The following GALNS variants were observed in gnomAD, a reference collection of about 807,000 sequenced individuals.
GALNS encodes the protein galactosamine (N-acetyl)-6-sulfatase.
In GALNS, 65 loss-of-function variants were observed where a neutral mutation model predicts 65.9. The observed-to-expected ratio is 0.99, with a 90% CI of 0.81 to 1.21. The LOEUF (loss-of-function observed/expected upper bound fraction) is 1.21, where lower values mean the gene tolerates loss of function less well. Ranked by LOEUF, GALNS falls within the 50% of genes most tolerant of loss-of-function variation. The pLI is 0.00. For missense variants in GALNS, 776 were observed against 700.7 expected (o/e 1.11, Z -1.21); for synonymous variants, 346 against 288.9 (o/e 1.20, Z -2.00).
intron 12 of GALNS, among the ~76,000 whole-genome samples, chr16:88,821,169 T>C (rs1450420912): frequency 7.7e-6 from 1 of 130,654 alleles, no homozygotes; most frequent in African/African-American, 2.9e-5. Context: ...TGCCCCTCAC[T>C]TTTCCAGAGG....
At chr16:88,834,240 T>G (rs964379178) in intron 8 of GALNS, among the ~76,000 whole-genome samples, 3 of 152,208 alleles carry the variant, frequency 2.0e-5, no homozygotes, top group African/African-American at 7.2e-5. Context: ...TTCTATCACT[T>G]GAAACTCTGA....
At position 88,817,979 on chromosome 16, in the gene GALNS, G is replaced by C. The variant is rs1202534831; in HGVS notation, c.1482+28C>G. ...TGGGTGGCTGCAGCCCCGGCAAAGA[G>C]ACGGCCGCCCACACACCAGCCACTT... On this transcript the variant is annotated intron_variant, in intron 13 of 13. Coordinates refer to ENST00000268695, the MANE Select transcript of GALNS (RefSeq NM_000512.5). 8 of 1,538,096 alleles carry C rather than the reference G, an allele frequency of 5.2e-6. No homozygotes were observed. The South Asian group carries it at 9.4e-5, about 18-fold the overall frequency.
In GALNS at chr16:88,855,160, C is replaced by T. The variant is rs932214734; in HGVS notation, c.120+1598G>A. Reference sequence around the variant, plus strand: ...TAACTTTATATTTTATTTAACCCAACATAACCAAAATATTATTTCGACAAG... The same window carrying T: ...TAACTTTATATTTTATTTAACCCAATATAACCAAAATATTATTTCGACAAG... On this transcript the variant is annotated intron_variant, in intron 1 of 13. Transcript: ENST00000268695. The T allele has an allele frequency of 6.3e-6, 4 of 636,052 alleles. No individual in the cohort carries two copies. The Admixed American group carries it at 6.6e-5, about 10-fold the overall frequency. 39.4% of individuals were successfully genotyped at this position (636,052 alleles called of 1,614,324 possible). A position where few individuals can be genotyped will look rare whatever the true frequency, so the allele number is the denominator to read the frequency against.
intron 1 of GALNS, among the ~76,000 whole-genome samples, chr16:88,849,280 A>T (rs1967398921): frequency 6.6e-6 from 1 of 151,642 alleles, no homozygotes; most frequent in Admixed American, 6.6e-5. Flanking sequence ...ATGCCCAGTT[A>T]ATTATTATTA....
chr16:88,832,661 A>G (rs574131296), intron 8 of GALNS, among the ~76,000 whole-genome samples: 6 of 152,308 alleles, frequency 3.9e-5, no homozygotes, highest in African/African-American at 1.4e-4. Flanking sequence ...CAGACATGGA[A>G]GAAGGGGGTG....
chr16:88,824,883 G>A lies in GALNS; in HGVS notation c.1140-14C>T, dbSNP rs201778825. 3.9e-5 allele frequency: 63 copies of A among 1,610,154 alleles called. No individual in the cohort carries two copies. The East Asian group carries it at 1.4e-3, about 35-fold the overall frequency. ...TAGAAGATAGGCCTGTGGGATGGGAGGGGAGGACCATGTAATGACAGGAAG... is the reference window on the plus strand; with the variant it reads ...TAGAAGATAGGCCTGTGGGATGGGAAGGGAGGACCATGTAATGACAGGAAG... On this transcript the variant is annotated splice_polypyrimidine_tract_variant and intron_variant, in intron 10 of 13. Coordinates refer to ENST00000268695, the MANE Select transcript of GALNS (RefSeq NM_000512.5).
At chr16:88,854,300 G>A (rs892844869) in intron 1 of GALNS, among the ~76,000 whole-genome samples, 1 of 152,218 alleles carries the variant, frequency 6.6e-6, no homozygotes, top group African/African-American at 2.4e-5. Context: ...GTGTGGACAG[G>A]GCTGCGGAGG....
At chr16:88,833,838 G>A (rs1333741544) in intron 8 of GALNS, among the ~76,000 whole-genome samples, 1 of 152,192 alleles carries the variant, frequency 6.6e-6, no homozygotes, top group Non-Finnish European at 1.5e-5. Context: ...TTACAAATAG[G>A]TACATATACC....
intron 5 of GALNS, 111 bp from the exon 6 acceptor site, chr16:88,836,378 G>T: frequency 2.3e-6 from 2 of 871,782 alleles, no homozygotes; most frequent in Non-Finnish European, 3.7e-6. Flanking sequence ...GGCTAGGGCT[G>T]GGCGTCATGG....
chr16:88,827,421 C>G (rs966282319), intron 9 of GALNS, among the ~76,000 whole-genome samples: 15 of 152,204 alleles, frequency 9.9e-5, no homozygotes, highest in African/African-American at 3.6e-4. Flanking sequence ...TCTGGCTTCC[C>G]TCAGTGGCCC....
chr16:88,849,393 G>A (rs1415941743), intron 1 of GALNS, among the ~76,000 whole-genome samples: 4 of 151,764 alleles, frequency 2.6e-5, no homozygotes, highest in Non-Finnish European at 5.9e-5. Flanking sequence ...CAAGCAATTC[G>A]CCTGCCTCAG....
chr16:88,852,837 C>G (rs769522850), intron 1 of GALNS, among the ~76,000 whole-genome samples: 8 of 152,186 alleles, frequency 5.3e-5, no homozygotes, highest in Non-Finnish European at 8.8e-5. Flanking sequence ...CGGCTATAAT[C>G]CCAGCTACTC....
Position 88,814,247 on chromosome 16 carries a change from CGAG to C in GALNS, c.*189_*191del, listed in dbSNP as rs2142965743. 4.0e-6 allele frequency: 3 copies of C among 742,286 alleles called. No homozygotes were observed. The highest frequency in any genetic ancestry group is 6.8e-6 in the Non-Finnish European group (3 of 442,076). 46.0% of individuals were successfully genotyped at this position (742,286 alleles called of 1,614,324 possible). ...GTCCTGAAATCTGAGGCGCCGTGGGCGAGGAGGAGGGCCAAGCACACGCCAGGG... is the reference window on the plus strand; with the variant it reads ...GTCCTGAAATCTGAGGCGCCGTGGGCGAGGAGGGCCAAGCACACGCCAGGG... On this transcript the variant is annotated 3_prime_UTR_variant, in exon 14 of 14. Coordinates refer to ENST00000268695, the MANE Select transcript of GALNS (RefSeq NM_000512.5).
chr16:88,839,850 C>G (rs1044834874), intron 4 of GALNS, among the ~76,000 whole-genome samples: 1 of 152,254 alleles, frequency 6.6e-6, no homozygotes, highest in Non-Finnish European at 1.5e-5. Flanking sequence ...CACCAATGAC[C>G]ATGCATAGGA....
At chr16:88,817,212 A>G in intron 13 of GALNS, 1 of 984,614 alleles carries the variant, frequency 1.0e-6, no homozygotes, top group Non-Finnish European at 1.2e-6. Flanking sequence ...GCTGCTCCTG[A>G]GAGGCCCTGA....
At chr16:88,845,079 G>A (rs1967181599) in intron 1 of GALNS, 1 of 152,260 alleles carries the variant, frequency 6.6e-6, no homozygotes, top group Non-Finnish European at 1.5e-5. Context: ...CGGGCTCGGT[G>A]GCTCACGCCT....
At chr16:88,840,950 G>C (rs1966936690) in intron 4 of GALNS, 42 bp downstream of exon 4, 1 of 1,480,674 alleles carries the variant, frequency 6.8e-7, no homozygotes, top group African/African-American at 1.4e-5. Flanking sequence ...CCAGGAAGTG[G>C]ATGGAGCAGG....
Position 88,855,976 on chromosome 16 carries a change from C to G in GALNS, c.120+782G>C, listed in dbSNP as rs571263516. 3.5e-4 allele frequency: 208 copies of G among 589,392 alleles called. 1 individual carries two copies. The South Asian group carries it at 3.6e-3, about 10-fold the overall frequency. The allele number at this position is 589,392 out of a possible 1,614,324, so 36.5% of individuals were successfully genotyped here. On this transcript the variant is annotated intron_variant, in intron 1 of 13. Coordinates refer to ENST00000268695, the MANE Select transcript of GALNS (RefSeq NM_000512.5). ...CCCCCCAGGTGTGGCAGCTGAGGTTCAAGAATGGAAGTGACCCCCAAGCTT... is the reference window on the plus strand; with the variant it reads ...CCCCCCAGGTGTGGCAGCTGAGGTTGAAGAATGGAAGTGACCCCCAAGCTT...
intron 1 of GALNS, among the ~76,000 whole-genome samples, chr16:88,846,579 C>T (rs1415487900): frequency 1.4e-5 from 2 of 143,646 alleles, no homozygotes; most frequent in East Asian, 2.1e-4. Context: ...GGCACAATCT[C>T]GACTCACTGC....
Sources: gnomAD v4.1 joint callset for allele counts (sites outside exome capture counted in the v4.1 genomes callset) on GRCh38, gnomAD v4.1.1 for gene constraint, MANE v1.5 for transcripts, NCBI Gene and HGNC (gene_info 2026-07-23, HGNC 2026-07-21) for gene names.